The following PREX2 variants were observed in gnomAD, a reference collection of about 807,000 sequenced individuals.
PREX2 encodes phosphatidylinositol-3,4,5-trisphosphate dependent Rac exchange factor 2, also known as phosphatidylinositol 3,4,5-trisphosphate-dependent Rac exchanger 2 protein.
Under a neutral mutation model 203.2 loss-of-function variants are expected in PREX2, and 107 were observed. The ratio of observed to expected loss-of-function variants is 0.53; its 90% confidence interval spans 0.45 to 0.62. The LOEUF (loss-of-function observed/expected upper bound fraction) is 0.62. Among genes scored for constraint, PREX2 ranks in the 20% least tolerant of loss-of-function variants. PREX2 has a pLI of 0.00. For synonymous variants in PREX2, 672 were observed against 663.6 expected (o/e 1.01, Z -0.19); for missense variants, 1,777 against 1,955.9 (o/e 0.91, Z 1.72).
rs372443282 is a variant in PREX2 at position 68,133,997 on chromosome 8, G to A, written c.3767-62G>A. The A allele has an allele frequency of 1.9e-4, 244 of 1,260,772 alleles. 1 individual carries two copies. The African/African-American group carries it at 2.7e-3, about 14-fold the overall frequency. The allele number at this position is 1,260,772 out of a possible 1,614,324, so 78.1% of individuals were successfully genotyped here. On this transcript the variant is annotated intron_variant, in intron 31 of 39. Coordinates refer to ENST00000288368, the MANE Select transcript of PREX2 (RefSeq NM_024870.4). ...ATGCTAGTGAATGTAGATGCTGAAC[G>A]CATTGGTTTTCACCATCTGCAACAT...
chr8:67,974,328 A>T (rs1020155232), intron 1 of PREX2, among the ~76,000 whole-genome samples: 8 of 152,216 alleles, frequency 5.3e-5, no homozygotes, highest in Non-Finnish European at 4.4e-5. Context: ...CCATGAAAAA[A>T]GAAAAGAGAG....
intron 34 of PREX2, among the ~76,000 whole-genome samples, chr8:68,148,504 A>G (rs956395506): frequency 3.9e-5 from 6 of 152,246 alleles, no homozygotes; most frequent in Non-Finnish European, 8.8e-5. Flanking sequence ...TCAGCCATAA[A>G]TAGCTGAATA....
chr8:67,982,155 A>T (rs1806291463), intron 1 of PREX2, among the ~76,000 whole-genome samples: 1 of 152,118 alleles, frequency 6.6e-6, no homozygotes, highest in African/African-American at 2.4e-5. Flanking sequence ...TAGCCTCTGC[A>T]TGCGGTGGCT....
chr8:67,982,779 A>T (rs1429735828), intron 1 of PREX2, among the ~76,000 whole-genome samples: 2 of 152,234 alleles, frequency 1.3e-5, no homozygotes, highest in African/African-American at 2.4e-5. Flanking sequence ...CTGACCCTCA[A>T]GATGGAATGG....
chr8:68,008,839 G>T (rs1022023413), intron 1 of PREX2, among the ~76,000 whole-genome samples: 1 of 151,998 alleles, frequency 6.6e-6, no homozygotes, highest in African/African-American at 2.4e-5. Context: ...CTTCTCCTTC[G>T]CCTTCTGCCA....
At chr8:68,070,833 C>G (rs1809171959) in intron 13 of PREX2, among the ~76,000 whole-genome samples, 1 of 152,116 alleles carries the variant, frequency 6.6e-6, no homozygotes, top group Non-Finnish European at 1.5e-5. Flanking sequence ...AGAGAACACA[C>G]TGTTTGCAGG....
intron 15 of PREX2, among the ~76,000 whole-genome samples, chr8:68,079,549 A>G (rs1315002489): frequency 6.7e-6 from 1 of 149,824 alleles, no homozygotes; most frequent in Non-Finnish European, 1.5e-5. Flanking sequence ...GTCTCATCAC[A>G]AAACCTAACT....
chr8:68,208,199 A>T (rs1300773762), intron 37 of PREX2, among the ~76,000 whole-genome samples: 1 of 152,216 alleles, frequency 6.6e-6, no homozygotes, highest in Non-Finnish European at 1.5e-5. Flanking sequence ...GAGAGATAGT[A>T]TAAAATATGA....
At chr8:68,167,857 T>A (rs1018091311) in intron 35 of PREX2, among the ~76,000 whole-genome samples, 2 of 152,108 alleles carry the variant, frequency 1.3e-5, no homozygotes, top group African/African-American at 4.8e-5. Context: ...CACCCCAAAT[T>A]GGAAACAAAT....
At chr8:68,115,021 C>CTTTT (rs5892137) in intron 25 of PREX2, among the ~76,000 whole-genome samples, 950 of 86,576 alleles carry the variant, frequency 0.011, no homozygotes, top group Non-Finnish European at 0.014. Context: ...TCTTTTCTTT[C>CTTTT]TTTTTTTTTT....
intron 23 of PREX2, chr8:68,105,052 T>C: frequency 1.0e-6 from 1 of 994,176 alleles, no homozygotes; most frequent in South Asian, 1.4e-5. Flanking sequence ...ATAGGCAGAT[T>C]GATGTTTACA....
At chr8:67,993,400 C>CTTTTTTTTTTTTTTTTTT (rs5892121) in intron 1 of PREX2, among the ~76,000 whole-genome samples, 1 of 108,228 alleles carries the variant, frequency 9.2e-6, no homozygotes. Flanking sequence ...TTACTTCAGT[C>CTTTTTTTTTTTTTTTTTT]TTTTTTTTTT....
chr8:68,195,100 G>T (rs184901276), intron 37 of PREX2, among the ~76,000 whole-genome samples: 8 of 152,252 alleles, frequency 5.3e-5, no homozygotes, highest in African/African-American at 1.7e-4. Flanking sequence ...TTACTGAAAG[G>T]TAATTCAGTT....
intron 10 of PREX2, among the ~76,000 whole-genome samples, chr8:68,058,767 T>C (rs909961332): frequency 4.6e-5 from 7 of 152,180 alleles, no homozygotes; most frequent in Non-Finnish European, 1.0e-4. Flanking sequence ...GTGTTAATGA[T>C]GAAGAAGCTG....
chr8:68,122,025 G>C (rs1415335199), intron 30 of PREX2, among the ~76,000 whole-genome samples: 1 of 152,102 alleles, frequency 6.6e-6, no homozygotes, highest in African/African-American at 2.4e-5. Flanking sequence ...TGTAACTGCA[G>C]TTATTACCTT....
At chr8:68,122,536 C>T (rs1413496968) in intron 30 of PREX2, among the ~76,000 whole-genome samples, 2 of 151,942 alleles carry the variant, frequency 1.3e-5, no homozygotes, top group Non-Finnish European at 2.9e-5. Context: ...TGAATAGATG[C>T]CAGTATTATG....
Position 68,146,359 on chromosome 8 carries a change from T to G in PREX2, c.4231+7T>G. 6.2e-7 allele frequency: 1 copy of G among 1,607,444 alleles called. No individual in the cohort carries two copies. The highest frequency in any genetic ancestry group is 1.1e-5 in the South Asian group (1 of 89,700). ...CCTGTTCTTTTTGCACAAGGTAAAC[T>G]GTTTCTCTTTTGATGGCTGCTATAC... On this transcript the variant is annotated splice_region_variant and intron_variant, in intron 34 of 39. Transcript: ENST00000288368.
chr8:68,053,401 C>A (rs1461481332), intron 9 of PREX2, among the ~76,000 whole-genome samples, 155 bp downstream of exon 9: 1 of 152,118 alleles, frequency 6.6e-6, no homozygotes, highest in African/African-American at 2.4e-5. Context: ...ACATTGAAAG[C>A]AATTACTTCT....
chr8:68,109,398 A>G lies in PREX2; in HGVS notation c.2939-18A>G. 6.3e-7 allele frequency: 1 copy of G among 1,595,688 alleles called. No individual in the cohort carries two copies. The highest frequency in any genetic ancestry group is 2.2e-5 in the East Asian group (1 of 44,714). On this transcript the variant is annotated intron_variant, in intron 24 of 39. Coordinates refer to ENST00000288368, the MANE Select transcript of PREX2 (RefSeq NM_024870.4). The stretch of plus-strand genomic sequence containing the variant: ...TAAAGGTGATACATATTACTAAGGA[A>G]TGACTTTAATTCCTCAGGGAAACTG...
Sources: allele counts gnomAD v4.1 joint callset (sites outside exome capture counted in the v4.1 genomes callset), GRCh38; gene constraint gnomAD v4.1.1; transcripts MANE v1.5; gene names NCBI Gene and HGNC (gene_info 2026-07-23, HGNC 2026-07-21).